The following PDE5A variants were observed in gnomAD, a reference collection of about 807,000 sequenced individuals.
The protein encoded by PDE5A is phosphodiesterase 5A.
In PDE5A, 67 loss-of-function variants were observed where a neutral mutation model predicts 110.2. That is an observed-to-expected ratio of 0.61 (90% CI 0.50 to 0.75). The LOEUF (loss-of-function observed/expected upper bound fraction) is 0.75. PDE5A is among the 30% of genes least tolerant of loss of function. The pLI, the probability that PDE5A is intolerant of heterozygous loss-of-function variation, is 0.00. For missense variants in PDE5A, 862 were observed against 1,045.1 expected (o/e 0.82, Z 2.42); for synonymous variants, 328 against 351.2 (o/e 0.93, Z 0.74).
In PDE5A at chr4:119,561,032, A is replaced by G. The variant is rs1008927802; in HGVS notation, c.1132-669T>C. Among the ~76,000 whole-genome samples the G allele has an allele frequency of 5.3e-5, 8 of 152,294 alleles. No homozygotes were observed. In the East Asian group the frequency reaches 1.5e-3, roughly 29 times the overall value. On this transcript the variant is annotated intron_variant, in intron 6 of 20. Transcript: ENST00000354960. The stretch of plus-strand genomic sequence containing the variant: ...ACTACTGGGAAGGCTGAGGCACAAG[A>G]ATTTCTTGAACCTGGGAGACCAAGG...
At chr4:119,563,003 C>T in intron 5 of PDE5A, 33 bp from the exon 6 acceptor site, 1 of 1,526,810 alleles carries the variant, frequency 6.5e-7, no homozygotes, top group Non-Finnish European at 8.8e-7. Flanking sequence ...CATTATTTAG[C>T]AATTGATTGT....
Position 119,627,969 on chromosome 4 carries a change from A to G in PDE5A, c.152+551T>C. 2.4e-6 allele frequency: 2 copies of G among 838,846 alleles called. No individual in the cohort carries two copies. Among genetic ancestry groups the G allele is most frequent in the Non-Finnish European group, 2.9e-6 (2 of 695,812 alleles). The allele number at this position is 838,846 out of a possible 1,614,324, so 52.0% of individuals were successfully genotyped here. On this transcript the variant is annotated intron_variant, in intron 1 of 20. Transcript: ENST00000354960. The surrounding 1 kb of genome is among the most constrained non-coding windows in gnomAD (Gnocchi z 4.6). ...CGCGCGGGACAAGCAGGAGACTGGA[A>G]GGGGGGAAAAGGCAACCGCACTCAC...
intron 20 of PDE5A, chr4:119,499,597 A>C (rs1725219551): frequency 6.6e-6 from 1 of 151,984 alleles, no homozygotes. Context: ...GCTGGAGTGC[A>C]GTGGCGTGAT....
intron 2 of PDE5A, among the ~76,000 whole-genome samples, chr4:119,598,173 A>G (rs941259587): frequency 2.6e-5 from 4 of 152,320 alleles, no homozygotes; most frequent in African/African-American, 9.6e-5. Flanking sequence ...TTGAATTATG[A>G]GACAATTTAT....
At chr4:119,581,615 T>G (rs1247461887) in intron 3 of PDE5A, among the ~76,000 whole-genome samples, 1 of 152,200 alleles carries the variant, frequency 6.6e-6, no homozygotes. Flanking sequence ...GACATCTGTC[T>G]CACTAGCGAA....
intron 6 of PDE5A, among the ~76,000 whole-genome samples, chr4:119,562,565 C>T (rs1727780022): frequency 6.6e-6 from 1 of 152,102 alleles, no homozygotes. Context: ...AGAAGCAGCA[C>T]ACAGACATTC....
intron 3 of PDE5A, among the ~76,000 whole-genome samples, chr4:119,576,823 G>T (rs1287775215): frequency 1.3e-5 from 2 of 152,068 alleles, no homozygotes; most frequent in South Asian, 2.1e-4. Flanking sequence ...CAGAAGGCAA[G>T]AAATAACTAA....
At chr4:119,506,052 C>T (rs1725542933) in intron 16 of PDE5A, 120 bp from the exon 17 acceptor site, 2 of 479,970 alleles carry the variant, frequency 4.2e-6, no homozygotes, top group East Asian at 3.5e-5. Flanking sequence ...TTTTTCCCAT[C>T]TTAGAGCCCA....
intron 3 of PDE5A, among the ~76,000 whole-genome samples, chr4:119,572,538 C>A (rs1217567279): frequency 6.6e-6 from 1 of 151,960 alleles, no homozygotes; most frequent in Non-Finnish European, 1.5e-5. Context: ...TAGCCTAAGG[C>A]GACACTGGAA....
chr4:119,568,407 G>A (rs1391176192), intron 3 of PDE5A, among the ~76,000 whole-genome samples: 1 of 152,026 alleles, frequency 6.6e-6, no homozygotes, highest in Non-Finnish European at 1.5e-5. Flanking sequence ...AGGTCATTGG[G>A]GTCTAATATA....
At chr4:119,583,396 G>A (rs1728653848) in intron 3 of PDE5A, among the ~76,000 whole-genome samples, 1 of 152,190 alleles carries the variant, frequency 6.6e-6, no homozygotes, top group Non-Finnish European at 1.5e-5. Context: ...AGAGAATGTT[G>A]TGACTGGCTT....
At chr4:119,534,097 T>C (rs903520586) in intron 11 of PDE5A, among the ~76,000 whole-genome samples, 1 of 152,158 alleles carries the variant, frequency 6.6e-6, no homozygotes, top group Admixed American at 6.6e-5. Flanking sequence ...GTCTTGCCAA[T>C]GTGAAAAACA....
At chr4:119,501,380 A>G (rs765418070) in intron 19 of PDE5A, 127 bp from the exon 20 acceptor site, 2 of 619,992 alleles carry the variant, frequency 3.2e-6, no homozygotes, top group South Asian at 1.9e-5. Context: ...GCACCATCTC[A>G]GCTCACTGCA....
chr4:119,568,019 T>C (rs576509554), intron 3 of PDE5A, among the ~76,000 whole-genome samples: 4 of 152,274 alleles, frequency 2.6e-5, no homozygotes, highest in Admixed American at 6.5e-5. Context: ...CAGCTCATTA[T>C]AGTATCTTAG....
chr4:119,570,281 A>T (rs141360436), intron 3 of PDE5A, among the ~76,000 whole-genome samples: 241 of 152,272 alleles, frequency 1.6e-3, no homozygotes, highest in African/African-American at 5.4e-3. Context: ...ACTGTTAACT[A>T]TAGGCTTTGA....
chr4:119,620,739 T>C (rs993081585), intron 1 of PDE5A, among the ~76,000 whole-genome samples: 2 of 152,234 alleles, frequency 1.3e-5, no homozygotes, highest in African/African-American at 4.8e-5. Flanking sequence ...GAAGACCATC[T>C]TATTACCAAC....
chr4:119,502,361 C>A, intron 19 of PDE5A: 2 of 354,170 alleles, frequency 5.6e-6, no homozygotes, highest in Non-Finnish European at 5.1e-6. Context: ...TTACAAAGAA[C>A]ACTGATACAA....
intron 16 of PDE5A, 134 bp from the exon 17 acceptor site, chr4:119,506,066 T>C: frequency 2.3e-6 from 1 of 439,954 alleles, no homozygotes; most frequent in East Asian, 3.6e-5. Flanking sequence ...GAGCCCACTA[T>C]AAAATCATCA....
In PDE5A at chr4:119,498,517, A is replaced by G; in HGVS notation, c.*84T>C. 6.8e-7 allele frequency: 1 copy of G among 1,471,874 alleles called. No homozygotes were observed. The highest frequency in any genetic ancestry group is 9.4e-7 in the Non-Finnish European group (1 of 1,065,488). The allele number at this position is 1,471,874 out of a possible 1,614,324, so 91.2% of individuals were successfully genotyped here. On this transcript the variant is annotated 3_prime_UTR_variant, in exon 21 of 21. Coordinates refer to ENST00000354960, the MANE Select transcript of PDE5A (RefSeq NM_001083.4). Reference sequence around the variant, plus strand: ...GGCAAAGTATATACCAAATACAGACACTATACAGACAGTGTGTAAGAAACT... The same window carrying G: ...GGCAAAGTATATACCAAATACAGACGCTATACAGACAGTGTGTAAGAAACT...
Sources: allele counts gnomAD v4.1 joint callset (sites outside exome capture counted in the v4.1 genomes callset), GRCh38; gene constraint gnomAD v4.1.1; non-coding constraint Gnocchi (gnomAD v3.1); transcripts MANE v1.5; gene names NCBI Gene and HGNC (gene_info 2026-07-23, HGNC 2026-07-21).